Variants in SGPP2 observed in about 807,000 individuals in gnomAD.
The protein encoded by SGPP2 is sphingosine-1-phosphate phosphatase 2.
In SGPP2, 30 loss-of-function variants were observed where a neutral mutation model predicts 33.9. The observed-to-expected ratio is 0.89, with a 90% confidence interval of 0.66 to 1.20. The LOEUF is 1.20. Ranked by LOEUF, SGPP2 falls within the 50% of genes most tolerant of loss-of-function variation. The pLI, the probability that SGPP2 is intolerant of heterozygous loss-of-function variation, is 0.00. For synonymous variants in SGPP2, 233 were observed against 225.0 expected (o/e 1.04, Z -0.32); for missense variants, 458 against 532.1 (o/e 0.86, Z 1.37).
chr2:222,431,938 G>A (rs1386534521), intron 1 of SGPP2, among the ~76,000 whole-genome samples: 3 of 152,230 alleles, frequency 2.0e-5, no homozygotes, highest in Non-Finnish European at 4.4e-5. Flanking sequence ...GTGGACTGGA[G>A]AGGAGAAATG....
chr2:222,540,624 G>A (rs1180176377), intron 4 of SGPP2, among the ~76,000 whole-genome samples: 1 of 149,768 alleles, frequency 6.7e-6, no homozygotes, highest in Non-Finnish European at 1.5e-5. Flanking sequence ...ATGTCAAGTG[G>A]ATTGCAATGG....
At position 222,460,247 on chromosome 2, in the gene SGPP2, G is replaced by A. The variant is rs553450238; in HGVS notation, c.220-14321G>A. ...GTATCATCAGATCCCACATGGCAGC[G>A]CCAAGGCCAAACACAGAAACCAATT... is the stretch of plus-strand genomic sequence containing the variant. On this transcript the variant is annotated intron_variant, in intron 1 of 4. Coordinates refer to ENST00000321276, the MANE Select transcript of SGPP2 (RefSeq NM_152386.4). The surrounding 1 kb of genome is among the most constrained non-coding windows in gnomAD (Gnocchi z 4.3). Among the ~76,000 whole-genome samples the A allele has an allele frequency of 6.6e-6, 1 of 152,240 alleles. No individual in the cohort carries two copies. The highest frequency in any genetic ancestry group is 2.4e-5 in the African/African-American group (1 of 41,532).
In SGPP2 at chr2:222,524,978, T is replaced by C. The variant is rs1698736673; in HGVS notation, c.593T>C (p.Val198Ala). ...PFVLGLVMAV[V>A]FSTLVCLSRL... Reference sequence around the variant, plus strand: ...GTGTTGGGACTGGTGATGGCCGTGGTGTTTTCCACCTTGGTGTGTCTCAGC... The same window carrying C: ...GTGTTGGGACTGGTGATGGCCGTGGCGTTTTCCACCTTGGTGTGTCTCAGC... Residue 198 changes from valine to alanine, a missense_variant, in exon 4 of 5, where the codon GTG becomes GCG. Val to Ala is a moderately conservative substitution (Grantham distance 64). Coordinates refer to ENST00000321276, the MANE Select transcript of SGPP2 (RefSeq NM_152386.4). 1 of 1,614,136 alleles carries C rather than the reference T, an allele frequency of 6.2e-7. No homozygotes were observed. Among genetic ancestry groups the C allele is most frequent in the African/African-American group, 1.3e-5 (1 of 75,056 alleles).
At chr2:222,430,267 A>G (rs1357449623) in intron 1 of SGPP2, among the ~76,000 whole-genome samples, 1 of 152,212 alleles carries the variant, frequency 6.6e-6, no homozygotes, top group Non-Finnish European at 1.5e-5. Context: ...GTGCTAGAAC[A>G]TAAAGACACG....
At position 222,510,712 on chromosome 2, in the gene SGPP2, T is replaced by C. The variant is rs571350054; in HGVS notation, c.379-11055T>C. Among the ~76,000 whole-genome samples, 4 of 152,302 alleles carry C rather than the reference T, an allele frequency of 2.6e-5. No homozygotes were observed. The South Asian group carries it at 8.3e-4, about 32-fold the overall frequency. ...GGACTTAGGTTTTATTATGATCATA[T>C]GGAGCCTTTGCTCTTTTCAGATGAG... On this transcript the variant is annotated intron_variant, in intron 2 of 4. Coordinates refer to ENST00000321276, the MANE Select transcript of SGPP2 (RefSeq NM_152386.4).
chr2:222,460,780 TCTC>T lies in SGPP2; in HGVS notation c.220-13784_220-13782del. Among the ~76,000 whole-genome samples the T allele has an allele frequency of 6.7e-6, 1 of 150,114 alleles. No homozygotes were observed. On this transcript the variant is annotated intron_variant, in intron 1 of 4. Transcript: ENST00000321276. This position sits in a 1 kb window ranked among gnomAD's most constrained non-coding sequence, Gnocchi z 4.3. ...CACGGTGCCTCACAGCTTCCATGCC[TCTC>T]CTCTTGCTGTTCCTTTCTGCTGGAA...
chr2:222,537,324 T>C (rs914170738), intron 4 of SGPP2, among the ~76,000 whole-genome samples: 6 of 152,280 alleles, frequency 3.9e-5, no homozygotes, highest in Non-Finnish European at 7.4e-5. Flanking sequence ...TTGAAAGTCA[T>C]CTTGAAAACC....
chr2:222,443,718 T>G (rs535340463), intron 1 of SGPP2, among the ~76,000 whole-genome samples: 1 of 152,204 alleles, frequency 6.6e-6, no homozygotes, highest in Non-Finnish European at 1.5e-5. Flanking sequence ...TACAGGGATC[T>G]TGGCTATAGT....
chr2:222,433,218 TTA>T (rs1161811217), intron 1 of SGPP2, among the ~76,000 whole-genome samples: 1 of 151,988 alleles, frequency 6.6e-6, no homozygotes, highest in African/African-American at 2.4e-5. Context: ...AGAGGAACTG[TTA>T]TGTTTCAGGA....
chr2:222,443,125 T>C (rs1201743716), intron 1 of SGPP2, among the ~76,000 whole-genome samples: 2 of 152,364 alleles, frequency 1.3e-5, no homozygotes, highest in African/African-American at 4.8e-5. Context: ...ATGGCCATTG[T>C]CTGGTGAAGT....
At chr2:222,480,406 T>C (rs906926691) in intron 2 of SGPP2, among the ~76,000 whole-genome samples, 6 of 152,142 alleles carry the variant, frequency 3.9e-5, no homozygotes, top group Admixed American at 2.6e-4. Flanking sequence ...CATAATGAGA[T>C]GTAGAAAAAA....
At position 222,461,229 on chromosome 2, in the gene SGPP2, A is replaced by G. The variant is rs572402813; in HGVS notation, c.220-13339A>G. Among the ~76,000 whole-genome samples the G allele has an allele frequency of 1.2e-4, 18 of 152,264 alleles. No individual in the cohort carries two copies. In the East Asian group the frequency reaches 2.9e-3, roughly 25 times the overall value. ...GCATGTGATTTACATAAGTGACTCCATTTCCCCTTCCAAATGCCTTAGTAA... is the reference window on the plus strand; with the variant it reads ...GCATGTGATTTACATAAGTGACTCCGTTTCCCCTTCCAAATGCCTTAGTAA... On this transcript the variant is annotated intron_variant, in intron 1 of 4. Transcript: ENST00000321276.
In SGPP2 at chr2:222,452,449, A is replaced by G. The variant is rs1697506032; in HGVS notation, c.220-22119A>G. ...CATGGAGTAGTTTAGGAATAAATCC[A>G]TGGTTTGTGGAGTACTAAAATACCT... On this transcript the variant is annotated intron_variant, in intron 1 of 4. Transcript: ENST00000321276. 8 of 796,116 alleles carry G rather than the reference A, an allele frequency of 1.0e-5. No individual in the cohort carries two copies. In the South Asian group the frequency reaches 1.1e-4, roughly 11 times the overall value. 49.3% of individuals were successfully genotyped at this position (796,116 alleles called of 1,614,324 possible).
At chr2:222,440,594 G>A (rs1697310467) in intron 1 of SGPP2, among the ~76,000 whole-genome samples, 1 of 152,072 alleles carries the variant, frequency 6.6e-6, no homozygotes, top group Admixed American at 6.5e-5. Flanking sequence ...GCCCACCTCA[G>A]CCTCCCAAAG....
intron 1 of SGPP2, among the ~76,000 whole-genome samples, chr2:222,435,006 A>ATGTGTATATGTGTG (rs1239668403): frequency 3.0e-4 from 45 of 148,740 alleles, no homozygotes; most frequent in African/African-American, 1.1e-3. Flanking sequence ...ACACACACAC[A>ATGTGTATATGTGTG]CACACATATG....
chr2:222,489,720 C>T (rs966784529), intron 2 of SGPP2, among the ~76,000 whole-genome samples: 12 of 152,152 alleles, frequency 7.9e-5, no homozygotes, highest in Non-Finnish European at 1.2e-4. Context: ...AATCTCAGCA[C>T]TTTGGGAGGC....
At chr2:222,519,370 G>C (rs2106131715) in intron 2 of SGPP2, among the ~76,000 whole-genome samples, 1 of 152,376 alleles carries the variant, frequency 6.6e-6, no homozygotes, top group South Asian at 2.1e-4. Flanking sequence ...AATGCTTTAA[G>C]TTGCAAAGGC....
At chr2:222,496,154 T>C (rs1284158695) in intron 2 of SGPP2, among the ~76,000 whole-genome samples, 1 of 152,198 alleles carries the variant, frequency 6.6e-6, no homozygotes, top group Non-Finnish European at 1.5e-5. Flanking sequence ...ACAAAGATAA[T>C]AAATAAATAA....
chr2:222,453,645 G>A (rs1312455444), intron 1 of SGPP2, among the ~76,000 whole-genome samples: 1 of 151,970 alleles, frequency 6.6e-6, no homozygotes, highest in Non-Finnish European at 1.5e-5. Context: ...CTTATGATTT[G>A]CTTAATAACA....
Sources: gnomAD v4.1 joint callset for allele counts (sites outside exome capture counted in the v4.1 genomes callset) on GRCh38, gnomAD v4.1.1 for gene constraint, Gnocchi (gnomAD v3.1) non-coding constraint, MANE v1.5 for transcripts, NCBI Gene and HGNC (gene_info 2026-07-23, HGNC 2026-07-21) for gene names.